The following ZEB1 variants were observed in gnomAD, a reference collection of about 807,000 sequenced individuals.
ZEB1 encodes the protein zinc finger E-box binding homeobox 1.
In ZEB1, 21 loss-of-function variants were observed where a neutral mutation model predicts 84.9. The ratio of observed to expected loss-of-function variants is 0.25; its 90% CI spans 0.18 to 0.36. The LOEUF (loss-of-function observed/expected upper bound fraction) is 0.36. ZEB1 is among the 10% of genes least tolerant of loss of function. ZEB1 has a pLI of 1.00. For synonymous variants in ZEB1, 420 were observed against 471.1 expected, an observed-to-expected ratio of 0.89 and a Z score of 1.41; for missense variants, 1,104 against 1,330.2, an observed-to-expected ratio of 0.83 and a Z score of 2.65.
At chr10:31,320,944 G>T (rs911922077) in intron 1 of ZEB1, among the ~76,000 whole-genome samples, 1 of 152,190 alleles carries the variant, frequency 6.6e-6, no homozygotes, top group African/African-American at 2.4e-5. Flanking sequence ...GGCTATATAA[G>T]GAATTACACG....
At chr10:31,403,901 A>T (rs906720850) in intron 1 of ZEB1, among the ~76,000 whole-genome samples, 7 of 152,070 alleles carry the variant, frequency 4.6e-5, no homozygotes, top group African/African-American at 1.7e-4. Context: ...GTCATATTTT[A>T]TTTCTGAAAT....
At chr10:31,384,023 GA>G (rs2048184850) in intron 1 of ZEB1, among the ~76,000 whole-genome samples, 1 of 140,600 alleles carries the variant, frequency 7.1e-6, no homozygotes, top group Non-Finnish European at 1.5e-5. Context: ...GCCCAGACTG[GA>G]GTGCAGTAGT....
At chr10:31,334,380 A>G (rs1442300280) in intron 1 of ZEB1, among the ~76,000 whole-genome samples, 1 of 152,120 alleles carries the variant, frequency 6.6e-6, no homozygotes, top group Non-Finnish European at 1.5e-5. Flanking sequence ...TAACATGTTT[A>G]TTTCAAAATA....
intron 2 of ZEB1, among the ~76,000 whole-genome samples, chr10:31,476,316 G>T (rs1200203202): frequency 1.3e-5 from 2 of 151,872 alleles, no homozygotes; most frequent in Non-Finnish European, 2.9e-5. Context: ...AGCTCATCAG[G>T]GGTTACTATG....
At chr10:31,441,033 C>T (rs2136522459) in intron 1 of ZEB1, among the ~76,000 whole-genome samples, 1 of 152,216 alleles carries the variant, frequency 6.6e-6, no homozygotes, top group African/African-American at 2.4e-5. Context: ...CAATGACTTT[C>T]TTCACAGAAT....
chr10:31,426,262 T>C (rs1159949244), intron 1 of ZEB1, among the ~76,000 whole-genome samples: 1 of 152,172 alleles, frequency 6.6e-6, no homozygotes, highest in African/African-American at 2.4e-5. Context: ...AAGCTATAAG[T>C]TGAATACAAA....
At chr10:31,523,883 GTT>G (rs754975378) in intron 7 of ZEB1, 48 bp from the exon 8 acceptor site, 6 of 1,588,688 alleles carry the variant, frequency 3.8e-6, no homozygotes, top group Non-Finnish European at 4.3e-6. Context: ...TATATCTCTT[GTT>G]TATCTTTTAA....
chr10:31,339,168 A>G (rs948416483), intron 1 of ZEB1, among the ~76,000 whole-genome samples: 2 of 152,208 alleles, frequency 1.3e-5, no homozygotes, highest in Non-Finnish European at 2.9e-5. Context: ...TCCTGTAGCC[A>G]TATATGCTCA....
intron 2 of ZEB1, among the ~76,000 whole-genome samples, chr10:31,484,351 T>C (rs146733272): frequency 6.6e-6 from 1 of 152,136 alleles, no homozygotes; most frequent in African/African-American, 2.4e-5. Context: ...CTGGCTAATA[T>C]TAATAATCAT....
intron 1 of ZEB1, among the ~76,000 whole-genome samples, chr10:31,423,055 C>T (rs1199324073): frequency 4.0e-5 from 6 of 151,650 alleles, no homozygotes; most frequent in Non-Finnish European, 8.8e-5. Flanking sequence ...TATATATATA[C>T]ATGTATATAT....
chr10:31,327,486 T>TAACCTTGCAGTAGTTC, intron 1 of ZEB1, among the ~76,000 whole-genome samples: 1 of 152,356 alleles, frequency 6.6e-6, no homozygotes, highest in South Asian at 2.1e-4. Context: ...TCATTGCTTT[T>TAACCTTGCAGTAGTTC]AACCTTGCAG....
chr10:31,473,950 G>C (rs1003603008), intron 2 of ZEB1, among the ~76,000 whole-genome samples: 5 of 151,966 alleles, frequency 3.3e-5, no homozygotes, highest in African/African-American at 9.7e-5. Context: ...AGAAAAACAA[G>C]CAATGGGGAA....
intron 1 of ZEB1, among the ~76,000 whole-genome samples, chr10:31,367,581 G>A (rs1333930369): frequency 3.3e-5 from 5 of 152,194 alleles, no homozygotes; most frequent in African/African-American, 1.2e-4. Context: ...AACTGTGGCA[G>A]ATATAAATTA....
Position 31,364,370 on chromosome 10 carries a change from G to A in ZEB1, c.58+45078G>A, listed in dbSNP as rs182809878. On this transcript the variant is annotated intron_variant, in intron 1 of 8. Coordinates refer to ENST00000424869, the MANE Select transcript of ZEB1 (RefSeq NM_001174096.2). ...GCTGTTGGGGGTGCGAGGCTGATCCGCCAGAGCCCTTCCACCTGGCGCCTG... is the reference window on the plus strand; with the variant it reads ...GCTGTTGGGGGTGCGAGGCTGATCCACCAGAGCCCTTCCACCTGGCGCCTG... Among the ~76,000 whole-genome samples the A allele has an allele frequency of 2.1e-3, 316 of 152,310 alleles. 2 individuals carry two copies. The highest frequency in any genetic ancestry group is 5.7e-3 in the African/African-American group (236 of 41,586).
At chr10:31,335,653 G>A (rs2037862680) in intron 1 of ZEB1, among the ~76,000 whole-genome samples, 1 of 152,082 alleles carries the variant, frequency 6.6e-6, no homozygotes, top group South Asian at 2.1e-4. Flanking sequence ...AAAATTTCCA[G>A]CCCTACCTTC....
intron 4 of ZEB1, among the ~76,000 whole-genome samples, chr10:31,508,731 G>A (rs916833413): frequency 6.6e-6 from 1 of 152,102 alleles, no homozygotes; most frequent in South Asian, 2.1e-4. Context: ...GCTCAGGTAA[G>A]GACATCAGTG....
intron 2 of ZEB1, among the ~76,000 whole-genome samples, chr10:31,473,203 G>C (rs1387276364): frequency 6.6e-6 from 1 of 151,300 alleles, no homozygotes. Context: ...TGGAATTTCT[G>C]GCCAGGGCAA....
At chr10:31,354,392 C>G (rs1205879579) in intron 1 of ZEB1, among the ~76,000 whole-genome samples, 1 of 152,140 alleles carries the variant, frequency 6.6e-6, no homozygotes, top group Non-Finnish European at 1.5e-5. Context: ...AAAAGCTCAT[C>G]AATTGTAAGG....
At chr10:31,352,419 A>G (rs2041470351) in intron 1 of ZEB1, among the ~76,000 whole-genome samples, 1 of 152,230 alleles carries the variant, frequency 6.6e-6, no homozygotes. Flanking sequence ...ATACATTTCT[A>G]AGGAAGATGG....
Sources: allele counts gnomAD v4.1 joint callset (sites outside exome capture counted in the v4.1 genomes callset), GRCh38; gene constraint gnomAD v4.1.1; transcripts MANE v1.5; gene names NCBI Gene and HGNC (gene_info 2026-07-23, HGNC 2026-07-21).